ZCRB1: variants seen among roughly 807,000 people sequenced by gnomAD.
ZCRB1 encodes zinc finger CCHC-type and RNA-binding motif-containing protein 1.
ZCRB1 carries 21 observed loss-of-function variants against 29.9 expected under a neutral mutation model. The ratio of observed to expected loss-of-function variants is 0.70; its 90% CI spans 0.50 to 1.01. The LOEUF (loss-of-function observed/expected upper bound fraction) is 1.01, where lower values mean the gene tolerates loss of function less well. ZCRB1 is among the 50% of genes least tolerant of loss of function. The pLI is 0.00. For missense variants in ZCRB1, 204 were observed against 253.3 expected (o/e 0.81, Z 1.32); for synonymous variants, 77 against 80.0 (o/e 0.96, Z 0.20).
chr12:42,322,320 AG>A, intron 3 of ZCRB1, 97 bp downstream of exon 3: 1 of 1,155,112 alleles, frequency 8.7e-7, no homozygotes. Flanking sequence ...TATTATATCA[AG>A]CATGTTTTAT....
At position 42,325,961 on chromosome 12, in the gene ZCRB1, G is replaced by A. The variant is rs1037649842; in HGVS notation, c.-40C>T. On this transcript the variant is annotated 5_prime_UTR_variant, in exon 1 of 8. Coordinates refer to ENST00000266529, the MANE Select transcript of ZCRB1 (RefSeq NM_033114.4). ...TGGGCCTGGGAGACCAGAAGAGTGC[G>A]AGCCCTCGGCTCAGCTGGGGCTCAA... is the stretch of plus-strand genomic sequence containing the variant. 6.6e-6 allele frequency: 1 copy of A among 152,328 alleles called. No individual in the cohort carries two copies. The highest frequency in any genetic ancestry group is 1.5e-5 in the Non-Finnish European group (1 of 68,114). The allele number at this position is 152,328 out of a possible 1,614,324, so 9.4% of individuals were successfully genotyped here.
In ZCRB1 at chr12:42,317,383, C is replaced by G. The variant is rs184048293; in HGVS notation, c.290G>C (p.Arg97Pro). ...IDNGRAAEFI[R>P]RRNYFDKSKC... ...AGATTTATCAAAGTAGTTTCGCCTT[C>G]GGATGAACTCAGCTGCTCTTCCATT... Residue 97 changes from arginine to proline, a missense_variant, in exon 5 of 8, where the codon CGA (arginine) becomes CCA (proline). By Grantham distance (103) the Arg-to-Pro change is moderately radical (BLOSUM62 -2). Coordinates refer to ENST00000266529, the MANE Select transcript of ZCRB1 (RefSeq NM_033114.4). 1 of 1,612,806 alleles carries G rather than the reference C, an allele frequency of 6.2e-7. No homozygotes were observed. The highest frequency in any genetic ancestry group is 8.5e-7 in the Non-Finnish European group (1 of 1,179,716).
intron 2 of ZCRB1, 93 bp from the exon 3 acceptor site, chr12:42,322,539 G>T: frequency 7.9e-7 from 1 of 1,265,542 alleles, no homozygotes; most frequent in South Asian, 1.6e-5. Flanking sequence ...CTTTGTTACA[G>T]TTTATGAATA....
At position 42,314,425 on chromosome 12, in the gene ZCRB1, AAAAAAAT is replaced by A. The variant is rs1401986840; in HGVS notation, c.334-446_334-440del. ...AAAAAAAAAAAAAAAAAAAAAAAAA[AAAAAAAT>A]TAGTTGGGCATAAGTGGCACACACC... is the stretch of plus-strand genomic sequence containing the variant. On this transcript the variant is annotated intron_variant, in intron 5 of 7. Coordinates refer to ENST00000266529, the MANE Select transcript of ZCRB1 (RefSeq NM_033114.4). Among the ~76,000 whole-genome samples, 349 of 147,878 alleles carry A rather than the reference AAAAAAAT, an allele frequency of 2.4e-3. 3 individuals are homozygous for A. The highest frequency in any genetic ancestry group is 8.5e-3 in the African/African-American group (337 of 39,814).
At chr12:42,319,193 C>CTG (rs2068609414) in intron 3 of ZCRB1, among the ~76,000 whole-genome samples, 1 of 152,156 alleles carries the variant, frequency 6.6e-6, no homozygotes, top group South Asian at 2.1e-4. Flanking sequence ...GATCTCTCAT[C>CTG]TGTTGCCTCT....
At chr12:42,313,229 A>T in intron 7 of ZCRB1, 31 bp from the exon 8 acceptor site, 1 of 1,590,766 alleles carries the variant, frequency 6.3e-7, no homozygotes. Flanking sequence ...CAAAACCAAT[A>T]ACCTGTTTAA....
chr12:42,323,786 A>C, intron 2 of ZCRB1: 1 of 522,488 alleles, frequency 1.9e-6, no homozygotes, highest in Non-Finnish European at 3.4e-6. Context: ...GGTGGCACAC[A>C]CCTGTATTCC....
At chr12:42,316,773 A>T (rs1433989302) in intron 5 of ZCRB1, among the ~76,000 whole-genome samples, 2 of 152,252 alleles carry the variant, frequency 1.3e-5, no homozygotes, top group African/African-American at 4.8e-5. Flanking sequence ...AGACAGTGAC[A>T]TAAGTAATCA....
At chr12:42,314,363 C>G (rs1184785645) in intron 5 of ZCRB1, among the ~76,000 whole-genome samples, 1 of 113,538 alleles carries the variant, frequency 8.8e-6, no homozygotes. Flanking sequence ...AGTTTGAGAC[C>G]AGACTAACCA....
rs528813110 is a variant in ZCRB1 at position 42,313,108 on chromosome 12, T to C, written c.613A>G (p.Lys205Glu). 2 of 1,612,106 alleles carry C rather than the reference T, an allele frequency of 1.2e-6. No individual in the cohort carries two copies. The highest frequency in any genetic ancestry group is 4.5e-5 in the East Asian group (2 of 44,816). Residue 205 changes from lysine (K) to glutamate (E), a missense_variant, in exon 8 of 8, where the codon AAA becomes GAA. Lys to Glu is a moderately conservative substitution (Grantham distance 56, BLOSUM62 1). Transcript: ENST00000266529. ...TCCTCATCACTGAAATATGTGCTTT[T>C]CTTTATCCTTGGGCGTCTTGAATCA... ...SDDSRRPRIK[K>E]STYFSDEEEL... is the part of the protein sequence containing the mutation.
At chr12:42,317,254 A>G in intron 5 of ZCRB1, 86 bp downstream of exon 5, 1 of 883,974 alleles carries the variant, frequency 1.1e-6, no homozygotes, top group Non-Finnish European at 1.7e-6. Context: ...TTAGCCAGTC[A>G]GAAGTTTTGG....
intron 3 of ZCRB1, among the ~76,000 whole-genome samples, chr12:42,319,560 T>C (rs543294722): frequency 2.4e-4 from 37 of 152,362 alleles, no homozygotes; most frequent in African/African-American, 8.4e-4. Flanking sequence ...ATACAGCTTC[T>C]ATCTTCTTCC....
In ZCRB1 at chr12:42,315,875, A is replaced by C. The variant is rs1311686644; in HGVS notation, c.333+1465T>G. On this transcript the variant is annotated intron_variant, in intron 5 of 7. Transcript: ENST00000266529. The stretch of plus-strand genomic sequence containing the variant: ...AATTGACAGAATCAGTATGTATCCA[A>C]GCAACTGCTTGCTCACTCTTTCTAT... Among the ~76,000 whole-genome samples the C allele has an allele frequency of 4.6e-5, 7 of 152,262 alleles. No homozygotes were observed. In the East Asian group the frequency reaches 1.4e-3, roughly 29 times the overall value.
intron 4 of ZCRB1, 100 bp from the exon 5 acceptor site, chr12:42,317,547 G>T: frequency 1.9e-6 from 2 of 1,078,796 alleles, no homozygotes; most frequent in Non-Finnish European, 2.6e-6. Flanking sequence ...GTTTATTTTG[G>T]ATTTTTTAGC....
At chr12:42,314,653 G>A (rs1002146166) in intron 5 of ZCRB1, among the ~76,000 whole-genome samples, 1 of 151,848 alleles carries the variant, frequency 6.6e-6, no homozygotes, top group Non-Finnish European at 1.5e-5. Context: ...TTGATAAAAC[G>A]AGGATAAAAC....
At chr12:42,322,579 C>G in intron 2 of ZCRB1, 133 bp from the exon 3 acceptor site, 1 of 967,384 alleles carries the variant, frequency 1.0e-6, no homozygotes, top group Non-Finnish European at 1.4e-6. Flanking sequence ...AAGACAGGCC[C>G]TAGGAAAAAG....
At chr12:42,313,329 G>T in intron 7 of ZCRB1, 131 bp from the exon 8 acceptor site, 1 of 945,784 alleles carries the variant, frequency 1.1e-6, no homozygotes, top group Non-Finnish European at 1.5e-6. Context: ...CAGACAATAA[G>T]ATCTGCTCCC....
intron 4 of ZCRB1, 61 bp downstream of exon 4, chr12:42,317,726 T>C (rs2068601414): frequency 1.4e-6 from 2 of 1,407,604 alleles, no homozygotes; most frequent in Non-Finnish European, 2.0e-6. Flanking sequence ...CCCCACATTT[T>C]TGGCCTGGAT....
chr12:42,315,081 G>C (rs755933292), intron 5 of ZCRB1, among the ~76,000 whole-genome samples: 12 of 152,208 alleles, frequency 7.9e-5, no homozygotes, highest in Admixed American at 2.6e-4. Context: ...TCACTAGCCA[G>C]CCAATGTGGC....
Sources: allele counts gnomAD v4.1 joint callset (sites outside exome capture counted in the v4.1 genomes callset), GRCh38; gene constraint gnomAD v4.1.1; transcripts MANE v1.5; gene names NCBI Gene and HGNC (gene_info 2026-07-23, HGNC 2026-07-21).